Variants in GPC6 observed in about 807,000 individuals in gnomAD.
GPC6 encodes the protein glypican-6.
Under a neutral mutation model 55.2 loss-of-function variants are expected in GPC6, and 14 were observed. The ratio of observed to expected loss-of-function variants is 0.25; its 90% CI spans 0.17 to 0.40. The LOEUF (loss-of-function observed/expected upper bound fraction) is 0.40. Ranked by LOEUF, GPC6 falls within the 10% of genes least tolerant of loss-of-function variation. The probability of loss-of-function intolerance (pLI) is 1.00; values close to 1 mark genes in which losing one functional copy is unlikely to be tolerated. For missense variants in GPC6, 641 were observed against 708.5 expected, an observed-to-expected ratio of 0.90 and a Z score of 1.08; for synonymous variants, 278 against 259.6, an observed-to-expected ratio of 1.07 and a Z score of -0.68.
rs1430553901 is a variant in GPC6 at position 93,363,337 on chromosome 13, A to G, written c.160+135721A>G. Among the ~76,000 whole-genome samples the G allele has an allele frequency of 3.2e-5, 4 of 124,590 alleles. No homozygotes were observed. The East Asian group carries it at 9.7e-4, about 30-fold the overall frequency. The allele number at this position is 124,590 out of a possible 152,430, so 81.7% of individuals were successfully genotyped here. ...GTGTGATGTTCCCCTTCCTGTGTCCATGTGTTCTCATTGTTCAATTCCCAC... is the reference window on the plus strand; with the variant it reads ...GTGTGATGTTCCCCTTCCTGTGTCCGTGTGTTCTCATTGTTCAATTCCCAC... On this transcript the variant is annotated intron_variant, in intron 1 of 8. Coordinates refer to ENST00000377047, the MANE Select transcript of GPC6 (RefSeq NM_005708.5).
intron 1 of GPC6, among the ~76,000 whole-genome samples, chr13:93,345,479 T>G (rs1429551052): frequency 6.6e-6 from 1 of 151,602 alleles, no homozygotes; most frequent in Non-Finnish European, 1.5e-5. Context: ...ACCAAACACA[T>G]GGAAAAAAAC....
chr13:93,872,493 T>A (rs554069844), intron 3 of GPC6, among the ~76,000 whole-genome samples: 22 of 152,094 alleles, frequency 1.4e-4, no homozygotes, highest in African/African-American at 4.8e-4. Flanking sequence ...TGGGCCTTAC[T>A]GGGCTAAAAT....
At chr13:93,875,803 A>G (rs1350194044) in intron 3 of GPC6, among the ~76,000 whole-genome samples, 1 of 152,060 alleles carries the variant, frequency 6.6e-6, no homozygotes, top group East Asian at 1.9e-4. Context: ...TAGAGGAACT[A>G]TCATGGAGAA....
At chr13:94,364,921 A>C (rs1879222685) in intron 6 of GPC6, among the ~76,000 whole-genome samples, 1 of 152,204 alleles carries the variant, frequency 6.6e-6, no homozygotes, top group Admixed American at 6.5e-5. Flanking sequence ...TTTACATGTC[A>C]TTTACAATTT....
In GPC6 at chr13:93,274,817, G is replaced by A. The variant is rs60550471; in HGVS notation, c.160+47201G>A. 9.7e-3 allele frequency among the ~76,000 whole-genome samples: 1,480 copies of A among 152,260 alleles called. 27 individuals are homozygous for A. Among genetic ancestry groups the A allele is most frequent in the African/African-American group, 0.034 (1,398 of 41,556 alleles). On this transcript the variant is annotated intron_variant, in intron 1 of 8. Transcript: ENST00000377047. Reference sequence around the variant, plus strand: ...TTTCTGAATGAGTGTTAATGGACATGTATATTAGTAATACATCAAATTCTA... The same window carrying A: ...TTTCTGAATGAGTGTTAATGGACATATATATTAGTAATACATCAAATTCTA...
At chr13:94,307,403 A>T (rs1019484313) in intron 6 of GPC6, among the ~76,000 whole-genome samples, 7 of 151,906 alleles carry the variant, frequency 4.6e-5, no homozygotes, top group Non-Finnish European at 1.0e-4. Flanking sequence ...TGCAAACTTG[A>T]CCTGCTGGGC....
intron 2 of GPC6, among the ~76,000 whole-genome samples, chr13:93,651,316 T>G (rs574996719): frequency 6.6e-6 from 1 of 151,940 alleles, no homozygotes; most frequent in Non-Finnish European, 1.5e-5. Flanking sequence ...TTCTAAAAAA[T>G]TTGCTTTGTA....
intron 2 of GPC6, among the ~76,000 whole-genome samples, chr13:93,647,054 A>G (rs1287933780): frequency 6.6e-5 from 10 of 152,126 alleles, no homozygotes. Context: ...TGGAGACATC[A>G]AGATATGGTC....
rs188174493 is a variant in GPC6 at position 93,735,427 on chromosome 13, G to A, written c.320-94727G>A. On this transcript the variant is annotated intron_variant, in intron 2 of 8. Coordinates refer to ENST00000377047, the MANE Select transcript of GPC6 (RefSeq NM_005708.5). ...GGGTGCCTGTAGACCCAGCTACTGA[G>A]GAGGCTGAGGCAGGAGAATCACTTG... Among the ~76,000 whole-genome samples, 289 of 152,050 alleles carry A rather than the reference G, an allele frequency of 1.9e-3. 3 individuals carry two copies. Among genetic ancestry groups the A allele is most frequent in the African/African-American group, 6.6e-3 (272 of 41,472 alleles).
chr13:94,291,521 G>A (rs1874978670), intron 5 of GPC6, among the ~76,000 whole-genome samples: 1 of 152,166 alleles, frequency 6.6e-6, no homozygotes, highest in Non-Finnish European at 1.5e-5. Flanking sequence ...GGATTTGCTG[G>A]TGGAACAGAT....
At chr13:93,679,951 T>C (rs978378849) in intron 2 of GPC6, among the ~76,000 whole-genome samples, 2 of 152,120 alleles carry the variant, frequency 1.3e-5, no homozygotes, top group African/African-American at 4.8e-5. Flanking sequence ...GAAGGAAATG[T>C]AGCTTCCAGA....
chr13:94,333,679 G>A (rs1877538317), intron 6 of GPC6, among the ~76,000 whole-genome samples: 1 of 152,170 alleles, frequency 6.6e-6, no homozygotes, highest in African/African-American at 2.4e-5. Flanking sequence ...TTGCTAGTCA[G>A]GAAACTGAGG....
chr13:93,467,572 ATTCT>A (rs913480627), intron 1 of GPC6, among the ~76,000 whole-genome samples: 2 of 103,400 alleles, frequency 1.9e-5, no homozygotes, highest in African/African-American at 7.8e-5. Flanking sequence ...GCAAGCTGTG[ATTCT>A]TTTTTTTTTT....
At chr13:93,724,639 T>G (rs1218584927) in intron 2 of GPC6, among the ~76,000 whole-genome samples, 1 of 152,042 alleles carries the variant, frequency 6.6e-6, no homozygotes, top group Non-Finnish European at 1.5e-5. Context: ...ATGCCCAGAT[T>G]TAGAAGTAAT....
chr13:94,070,936 G>A (rs1884709639), intron 4 of GPC6, among the ~76,000 whole-genome samples: 1 of 152,218 alleles, frequency 6.6e-6, no homozygotes, highest in South Asian at 2.1e-4. Context: ...CAGAATTGGT[G>A]TTTGGTTTAA....
intron 3 of GPC6, among the ~76,000 whole-genome samples, chr13:93,961,580 G>A (rs1386935007): frequency 2.0e-5 from 3 of 152,180 alleles, no homozygotes; most frequent in African/African-American, 7.2e-5. Flanking sequence ...CTTTTGAAAT[G>A]CATAGACCAT....
chr13:93,625,845 G>A (rs1224742192), intron 2 of GPC6, among the ~76,000 whole-genome samples: 1 of 152,190 alleles, frequency 6.6e-6, no homozygotes, highest in East Asian at 1.9e-4. Context: ...TTCACTTAGA[G>A]CATGGGGTTC....
At chr13:94,091,860 G>A (rs1182238967) in intron 4 of GPC6, among the ~76,000 whole-genome samples, 41 of 151,084 alleles carry the variant, frequency 2.7e-4, no homozygotes, top group Admixed American at 2.6e-4. Flanking sequence ...ATGGTAACTG[G>A]TGAAGAAAAA....
intron 2 of GPC6, among the ~76,000 whole-genome samples, chr13:93,570,089 A>G (rs759835996): frequency 3.9e-4 from 59 of 152,160 alleles, no homozygotes; most frequent in East Asian, 1.9e-4. Context: ...CCAGAGTTTT[A>G]GAGAAAGCTT....
Sources: allele counts gnomAD v4.1 joint callset (sites outside exome capture counted in the v4.1 genomes callset), GRCh38; gene constraint gnomAD v4.1.1; transcripts MANE v1.5; gene names NCBI Gene and HGNC (gene_info 2026-07-23, HGNC 2026-07-21).